The following GALNT13 variants were observed in gnomAD, a reference collection of about 807,000 sequenced individuals.
The protein encoded by GALNT13 is polypeptide N-acetylgalactosaminyltransferase 13.
GALNT13 carries 28 observed loss-of-function variants against 64.2 expected under a neutral mutation model. The observed-to-expected ratio is 0.44, with a 90% CI of 0.32 to 0.60. The LOEUF (loss-of-function observed/expected upper bound fraction) is 0.60. Among genes scored for constraint, GALNT13 ranks in the 20% least tolerant of loss-of-function variants. The pLI, the probability that GALNT13 is intolerant of heterozygous loss-of-function variation, is 0.05. For missense variants in GALNT13, 577 were observed against 669.8 expected (o/e 0.86, Z 1.53); for synonymous variants, 214 against 224.6 (o/e 0.95, Z 0.42).
the GALNT13 span, among the ~76,000 whole-genome samples, chr2:153,546,546 C>T: frequency 6.6e-6 from 1 of 152,130 alleles, no homozygotes; most frequent in Admixed American, 6.5e-5. Flanking sequence ...AAGTGTGCCC[C>T]GCTTCTTGTC....
the GALNT13 span, among the ~76,000 whole-genome samples, chr2:153,352,708 A>T: frequency 1.3e-5 from 2 of 152,086 alleles, no homozygotes; most frequent in Admixed American, 1.3e-4. Context: ...TTTGTTGAAA[A>T]TGCTATATTC....
intron 3 of GALNT13, among the ~76,000 whole-genome samples, chr2:154,012,534 T>A (rs1255939921): frequency 3.9e-5 from 6 of 152,134 alleles, no homozygotes; most frequent in Non-Finnish European, 5.9e-5. Context: ...ATCTGATAAG[T>A]ATGTACCTTG....
At chr2:153,455,108 G>T in the GALNT13 span, among the ~76,000 whole-genome samples, 1 of 152,060 alleles carries the variant, frequency 6.6e-6, no homozygotes, top group Non-Finnish European at 1.5e-5. Flanking sequence ...TAAGGAAGAA[G>T]GATTTTCTGT....
At chr2:153,548,800 T>C in the GALNT13 span, among the ~76,000 whole-genome samples, 1 of 152,158 alleles carries the variant, frequency 6.6e-6, no homozygotes, top group Non-Finnish European at 1.5e-5. Flanking sequence ...ACTGAAAACA[T>C]ATGCTCACGT....
At chr2:153,458,539 T>C in the GALNT13 span, among the ~76,000 whole-genome samples, 2 of 152,162 alleles carry the variant, frequency 1.3e-5, no homozygotes, top group African/African-American at 4.8e-5. Flanking sequence ...CCAGCCTTCC[T>C]AGCCAGATTT....
intron 3 of GALNT13, among the ~76,000 whole-genome samples, chr2:154,099,728 A>G (rs1167708501): frequency 6.6e-6 from 1 of 152,118 alleles, no homozygotes; most frequent in East Asian, 1.9e-4. Context: ...GCTTGAGCCC[A>G]AAAGTTCAAG....
chr2:153,298,627 G>C, the GALNT13 span, among the ~76,000 whole-genome samples: 1 of 152,140 alleles, frequency 6.6e-6, no homozygotes, highest in Non-Finnish European at 1.5e-5. Flanking sequence ...TTGATAACAA[G>C]AAAGAATCCA....
the GALNT13 span, chr2:153,478,451 C>T: frequency 6.2e-7 from 1 of 1,613,834 alleles, no homozygotes; most frequent in Non-Finnish European, 8.5e-7. Flanking sequence ...GCGAAGCCGT[C>T]GTCGGTCACC....
At chr2:153,178,893 A>C in the GALNT13 span, among the ~76,000 whole-genome samples, 19,626 of 150,986 alleles carry the variant, frequency 0.13, 1,518 homozygotes, top group Non-Finnish European at 0.17. Flanking sequence ...CACAACCACA[A>C]CTATCTAGTT....
chr2:154,088,010 A>G (rs1488117873), intron 3 of GALNT13, among the ~76,000 whole-genome samples: 1 of 152,058 alleles, frequency 6.6e-6, no homozygotes, highest in East Asian at 1.9e-4. Flanking sequence ...GTTTCTGCAA[A>G]TTGCATGATA....
chr2:154,203,216 C>A (rs1687266753), intron 4 of GALNT13, among the ~76,000 whole-genome samples: 1 of 152,102 alleles, frequency 6.6e-6, no homozygotes, highest in Non-Finnish European at 1.5e-5. Flanking sequence ...CCTTGAGCAA[C>A]CCTGGCAGAA....
rs1047163473 is a variant in GALNT13, at chr2:154,035,133, A to G, written c.142+90494A>G. Among the ~76,000 whole-genome samples, 10 of 152,148 alleles carry G rather than the reference A, an allele frequency of 6.6e-5. No individual in the cohort carries two copies. In the East Asian group the frequency reaches 1.3e-3, roughly 21 times the overall value. On this transcript the variant is annotated intron_variant, in intron 3 of 12. Coordinates refer to ENST00000392825, the MANE Select transcript of GALNT13 (RefSeq NM_052917.4). ...TATGGAGTCAACTAAGTGTTTATCA[A>G]TGAATGATTGGATAAAGTAAATGTG...
At chr2:154,375,137 G>A (rs1334702598) in intron 9 of GALNT13, among the ~76,000 whole-genome samples, 1 of 151,956 alleles carries the variant, frequency 6.6e-6, no homozygotes, top group Non-Finnish European at 1.5e-5. Flanking sequence ...ACAGGCGCCC[G>A]CCACCAAGCC....
chr2:153,120,224 G>T, the GALNT13 span, among the ~76,000 whole-genome samples: 9 of 152,198 alleles, frequency 5.9e-5, no homozygotes, highest in African/African-American at 2.2e-4. Context: ...TAACCAAAAA[G>T]ACAAAACAAC....
chr2:154,224,485 A>G (rs914984259), intron 4 of GALNT13, among the ~76,000 whole-genome samples: 1 of 152,078 alleles, frequency 6.6e-6, no homozygotes, highest in African/African-American at 2.4e-5. Flanking sequence ...CTAGGAAAGC[A>G]AAGAAAAAAA....
At chr2:154,140,670 C>T (rs1683210260) in intron 4 of GALNT13, among the ~76,000 whole-genome samples, 165 bp downstream of exon 4, 1 of 152,056 alleles carries the variant, frequency 6.6e-6, no homozygotes, top group Non-Finnish European at 1.5e-5. Context: ...AAAAGGCGAA[C>T]TATTTTCTTC....
chr2:154,301,016 G>T (rs1419836442), intron 8 of GALNT13, among the ~76,000 whole-genome samples: 2 of 152,160 alleles, frequency 1.3e-5, no homozygotes, highest in African/African-American at 2.4e-5. Flanking sequence ...TATAATTCCA[G>T]ATGGATGGAG....
chr2:153,449,794 C>G, the GALNT13 span: 1 of 152,354 alleles, frequency 6.6e-6, no homozygotes, highest in Non-Finnish European at 1.5e-5. Flanking sequence ...ACAGTGTCCT[C>G]ACATGACAGA....
At chr2:153,919,708 C>T (rs2105333653) in intron 2 of GALNT13, among the ~76,000 whole-genome samples, 1 of 151,720 alleles carries the variant, frequency 6.6e-6, no homozygotes, top group African/African-American at 2.4e-5. Flanking sequence ...GTTGTGTTAA[C>T]AAATTATTTT....
Sources: allele counts gnomAD v4.1 joint callset (sites outside exome capture counted in the v4.1 genomes callset), GRCh38; gene constraint gnomAD v4.1.1; transcripts MANE v1.5; gene names NCBI Gene and HGNC (gene_info 2026-07-23, HGNC 2026-07-21).